Variants in FRMD4B observed in about 807,000 individuals in gnomAD.
FRMD4B encodes the protein FERM domain containing 4B.
FRMD4B carries 74 observed loss-of-function variants against 141.5 expected under a neutral mutation model. The observed-to-expected ratio is 0.52, with a 90% CI of 0.43 to 0.63. The LOEUF (loss-of-function observed/expected upper bound fraction) is 0.63. FRMD4B is among the 30% of genes least tolerant of loss of function. FRMD4B has a pLI of 0.00. For synonymous variants in FRMD4B, 506 were observed against 467.9 expected, an observed-to-expected ratio of 1.08 and a Z score of -1.05; for missense variants, 1,366 against 1,253.4, an observed-to-expected ratio of 1.09 and a Z score of -1.36.
At chr3:69,432,608 C>G (rs953951458) in intron 2 of FRMD4B, 3 of 152,194 alleles carry the variant, frequency 2.0e-5, no homozygotes, top group African/African-American at 7.2e-5. Flanking sequence ...TCAAAGAGTT[C>G]AGCATTTACA....
intron 1 of FRMD4B, among the ~76,000 whole-genome samples, chr3:69,518,508 A>G (rs953110474): frequency 6.6e-6 from 1 of 152,208 alleles, no homozygotes; most frequent in Non-Finnish European, 1.5e-5. Flanking sequence ...AAAAGGCAAG[A>G]CCATATAGAA....
chr3:69,426,643 T>C (rs1372363333), intron 2 of FRMD4B, among the ~76,000 whole-genome samples: 1 of 152,158 alleles, frequency 6.6e-6, no homozygotes, highest in Non-Finnish European at 1.5e-5. Context: ...AGGAGTGCCA[T>C]ATTTGTTCAT....
intron 5 of FRMD4B, among the ~76,000 whole-genome samples, chr3:69,267,624 TATATATATATATAGAGAGAG>T (rs2093571734): frequency 1.1e-3 from 21 of 18,414 alleles, no homozygotes; most frequent in East Asian, 2.8e-3. Flanking sequence ...TATATATATA[TATATATATATATAGAGAGAG>T]AGAGAGAGAG....
intron 1 of FRMD4B, among the ~76,000 whole-genome samples, chr3:69,523,576 A>C (rs1198741707): frequency 6.6e-6 from 1 of 152,142 alleles, no homozygotes; most frequent in Non-Finnish European, 1.5e-5. Flanking sequence ...AGGAATTGGA[A>C]AGGCAAAAGA....
chr3:69,460,076 C>T (rs749813923), intron 1 of FRMD4B, among the ~76,000 whole-genome samples: 11 of 152,188 alleles, frequency 7.2e-5, no homozygotes, highest in South Asian at 2.1e-4. Context: ...TCAGCACGCA[C>T]GACCCCTCTC....
At chr3:69,393,809 A>G (rs1704430426) in intron 2 of FRMD4B, among the ~76,000 whole-genome samples, 1 of 152,162 alleles carries the variant, frequency 6.6e-6, no homozygotes, top group African/African-American at 2.4e-5. Flanking sequence ...TGATTCTCAC[A>G]ATATATATTT....
intron 1 of FRMD4B, among the ~76,000 whole-genome samples, chr3:69,539,453 G>A (rs974600305): frequency 2.6e-5 from 4 of 152,138 alleles, no homozygotes; most frequent in Non-Finnish European, 4.4e-5. Flanking sequence ...CCATCTGCCT[G>A]TTTGAAAAGC....
At chr3:69,244,558 A>G (rs765215030) in intron 7 of FRMD4B, among the ~76,000 whole-genome samples, 1 of 152,044 alleles carries the variant, frequency 6.6e-6, no homozygotes, top group Non-Finnish European at 1.5e-5. Context: ...TCTTGAACCC[A>G]GGAGGTGGAG....
At chr3:69,482,256 G>T (rs75037435) in intron 1 of FRMD4B, among the ~76,000 whole-genome samples, 1 of 151,556 alleles carries the variant, frequency 6.6e-6, no homozygotes, top group Non-Finnish European at 1.5e-5. Context: ...GTGCAATAGA[G>T]TATTTAAAAA....
chr3:69,202,264 C>A (rs1288366806), intron 11 of FRMD4B, among the ~76,000 whole-genome samples: 3 of 151,956 alleles, frequency 2.0e-5, no homozygotes, highest in African/African-American at 7.2e-5. Flanking sequence ...GGAAAGAAAT[C>A]AAAGTTTAAA....
At chr3:69,515,089 G>A (rs1234649283) in intron 1 of FRMD4B, among the ~76,000 whole-genome samples, 1 of 152,176 alleles carries the variant, frequency 6.6e-6, no homozygotes, top group African/African-American at 2.4e-5. Flanking sequence ...TCTTCAACAA[G>A]GAGCCTAAAT....
At chr3:69,300,557 A>G (rs375805134) in intron 4 of FRMD4B, among the ~76,000 whole-genome samples, 3 of 152,314 alleles carry the variant, frequency 2.0e-5, no homozygotes, top group Middle Eastern at 3.4e-3. Context: ...GTGACCCAAA[A>G]CAGACCAGAT....
chr3:69,360,199 C>A, intron 1 of FRMD4B, among the ~76,000 whole-genome samples: 1 of 152,066 alleles, frequency 6.6e-6, no homozygotes, highest in Admixed American at 6.6e-5. Flanking sequence ...AGTGTCATAA[C>A]CACCTCCCAT....
At chr3:69,389,910 C>CTT (rs35438609), upstream of FRMD4B, among the ~76,000 whole-genome samples, 53 of 148,622 alleles carry the variant, frequency 3.6e-4, no homozygotes, top group East Asian at 6.0e-4. Context: ...TTCTTTCTTT[C>CTT]TTTTTTTTTT....
chr3:69,383,764 T>G (rs1399972217), intron 1 of FRMD4B, among the ~76,000 whole-genome samples: 5 of 152,070 alleles, frequency 3.3e-5, no homozygotes, highest in African/African-American at 1.2e-4. Context: ...CTCACTATGT[T>G]GCTCAGACTG....
chr3:69,377,977 A>AC (rs1704017921), intron 1 of FRMD4B, among the ~76,000 whole-genome samples: 1 of 139,858 alleles, frequency 7.2e-6, no homozygotes, highest in South Asian at 2.3e-4. Flanking sequence ...CACTTGGCTA[A>AC]TTTTTTTTTT....
At chr3:69,519,439 C>G (rs1377394751) in intron 1 of FRMD4B, among the ~76,000 whole-genome samples, 2 of 152,118 alleles carry the variant, frequency 1.3e-5, no homozygotes, top group African/African-American at 4.8e-5. Flanking sequence ...AGAGAGAACA[C>G]TGACCAATAA....
At chr3:69,231,966 C>T (rs546022559) in intron 7 of FRMD4B, among the ~76,000 whole-genome samples, 3 of 152,260 alleles carry the variant, frequency 2.0e-5, no homozygotes, top group South Asian at 4.1e-4. Flanking sequence ...AAGGGATCTA[C>T]GGAGCTTGTA....
intron 1 of FRMD4B, among the ~76,000 whole-genome samples, chr3:69,457,572 C>T (rs183868204): frequency 6.6e-6 from 1 of 152,228 alleles, no homozygotes; most frequent in African/African-American, 2.4e-5. Flanking sequence ...GTAACATGGC[C>T]GAGGTCGAAG....
Sources: allele counts gnomAD v4.1 joint callset (sites outside exome capture counted in the v4.1 genomes callset), GRCh38; gene constraint gnomAD v4.1.1; transcripts MANE v1.5; gene names NCBI Gene and HGNC (gene_info 2026-07-23, HGNC 2026-07-21).